Variants in SH3RF2 observed in about 807,000 individuals in gnomAD.
SH3RF2 encodes the protein E3 ubiquitin-protein ligase SH3RF2.
A neutral mutation model predicts 59.0 loss-of-function variants in SH3RF2; 43 were observed. That is an observed-to-expected ratio of 0.73 (90% CI 0.57 to 0.94). The LOEUF (loss-of-function observed/expected upper bound fraction) is 0.94. Ranked by LOEUF, SH3RF2 falls within the 40% of genes least tolerant of loss-of-function variation. SH3RF2 has a pLI of 0.00. For synonymous variants in SH3RF2, 391 were observed against 391.5 expected (o/e 1.00, Z 0.01); for missense variants, 930 against 940.1 (o/e 0.99, Z 0.14).
intron 5 of SH3RF2, among the ~76,000 whole-genome samples, chr5:146,046,294 A>G (rs1762302271): frequency 1.3e-5 from 2 of 152,210 alleles, no homozygotes; most frequent in African/African-American, 4.8e-5. Flanking sequence ...ACACATGTAC[A>G]TTAAATTGCC....
At position 146,056,231 on chromosome 5, in the gene SH3RF2, G is replaced by C; in HGVS notation, c.1555+18G>C. The C allele has an allele frequency of 6.2e-7, 1 of 1,614,134 alleles. No homozygotes were observed. Among genetic ancestry groups the C allele is most frequent in the Non-Finnish European group, 8.5e-7 (1 of 1,180,044 alleles). Reference sequence around the variant, plus strand: ...GAGAAAGAGTAAGTGGTGGCAGAGAGGTACGTGCCTAGAGCTAAGTGATGG... The same window carrying C: ...GAGAAAGAGTAAGTGGTGGCAGAGACGTACGTGCCTAGAGCTAAGTGATGG... On this transcript the variant is annotated intron_variant, in intron 8 of 9. Coordinates refer to ENST00000359120, the MANE Select transcript of SH3RF2 (RefSeq NM_152550.4).
At chr5:146,063,625 C>T (rs1427459167), downstream of SH3RF2, among the ~76,000 whole-genome samples, 4 of 152,128 alleles carry the variant, frequency 2.6e-5, no homozygotes, top group South Asian at 4.1e-4. Context: ...TTTGGTAGGC[C>T]GAGGTGGGCA....
chr5:145,995,820 T>G (rs1484608160), intron 2 of SH3RF2, among the ~76,000 whole-genome samples: 1 of 152,228 alleles, frequency 6.6e-6, no homozygotes, highest in African/African-American at 2.4e-5. Flanking sequence ...TACATAATTA[T>G]TCTTAACCTC....
intron 9 of SH3RF2, 151 bp from the exon 10 acceptor site, chr5:146,062,275 G>T: frequency 1.0e-6 from 1 of 974,360 alleles, no homozygotes; most frequent in Non-Finnish European, 1.5e-6. Flanking sequence ...TCAGCATCTT[G>T]TACTTCCCCC....
At chr5:146,054,164 T>C (rs953063882) in intron 7 of SH3RF2, among the ~76,000 whole-genome samples, 1 of 152,184 alleles carries the variant, frequency 6.6e-6, no homozygotes, top group African/African-American at 2.4e-5. Context: ...AAGTGCTAGA[T>C]AAGTGCTGAG....
intron 6 of SH3RF2, 123 bp from the exon 7 acceptor site, chr5:146,048,952 C>T (rs947318560): frequency 1.0e-5 from 12 of 1,167,794 alleles, no homozygotes; most frequent in South Asian, 5.8e-5. Context: ...CCACCGCACC[C>T]GCTCGACCAA....
At chr5:145,973,254 T>G (rs937188682) in intron 2 of SH3RF2, among the ~76,000 whole-genome samples, 3 of 152,106 alleles carry the variant, frequency 2.0e-5, no homozygotes, top group African/African-American at 7.2e-5. Flanking sequence ...TCTGAAGAAG[T>G]TGGCAATGAC....
downstream of SH3RF2, among the ~76,000 whole-genome samples, chr5:146,063,877 A>G (rs1580946833): frequency 6.7e-6 from 1 of 149,668 alleles, no homozygotes; most frequent in African/African-American, 2.6e-5. Context: ...AAAAAAGAAA[A>G]AAAGAAAGCA....
chr5:145,977,288 C>T (rs1374625173), intron 2 of SH3RF2, among the ~76,000 whole-genome samples: 1 of 152,226 alleles, frequency 6.6e-6, no homozygotes, highest in African/African-American at 2.4e-5. Context: ...TACTATTTTT[C>T]CACAGACCAT....
intron 4 of SH3RF2, among the ~76,000 whole-genome samples, chr5:146,009,662 C>A (rs1469847949): frequency 6.6e-6 from 1 of 152,172 alleles, no homozygotes; most frequent in Non-Finnish European, 1.5e-5. Context: ...TAGTTGTTTA[C>A]ATGCTGGCTC....
At chr5:145,940,974 GGA>G (rs1374878327) in intron 2 of SH3RF2, among the ~76,000 whole-genome samples, 2 of 152,164 alleles carry the variant, frequency 1.3e-5, no homozygotes, top group African/African-American at 4.8e-5. Context: ...AGCCCTTGCA[GGA>G]GAGTGTAATA....
In SH3RF2 at chr5:146,056,138, C is replaced by A; in HGVS notation, c.1480C>A (p.Pro494Thr). 6.2e-7 allele frequency: 1 copy of A among 1,614,164 alleles called. No individual in the cohort carries two copies. The highest frequency in any genetic ancestry group is 8.5e-7 in the Non-Finnish European group (1 of 1,180,036). Residue 494 changes from proline to threonine, a missense_variant, in exon 8 of 10, where the codon CCC becomes ACC. Physicochemically the swap from Pro to Thr is conservative, Grantham distance 38 (BLOSUM62 -1). Transcript: ENST00000359120. The part of the protein sequence containing the change: ...SVFVPTAIVN[P>T]VRSTAGPGTL... ...CTTTGTGCCCACTGCCATAGTCAAC[C>A]CCGTGAGAAGCACAGCCGGCCCTGG...
chr5:145,997,971 T>A, intron 2 of SH3RF2: 3 of 772,674 alleles, frequency 3.9e-6, no homozygotes, highest in Non-Finnish European at 7.2e-6. Context: ...TCACAGGTGG[T>A]CCCACCCAGA....
chr5:145,961,744 T>C (rs1326296588), intron 2 of SH3RF2, among the ~76,000 whole-genome samples: 1 of 152,224 alleles, frequency 6.6e-6, no homozygotes, highest in Non-Finnish European at 1.5e-5. Flanking sequence ...GACTAACTTA[T>C]CCAGGAAAAT....
In SH3RF2 at chr5:146,004,128, G is replaced by A. The variant is rs990742397; in HGVS notation, c.719G>A (p.Gly240Asp). ...WAEGKLGDKV[G>D]IFPILFVEPN... ...GAAGGCAAGTTAGGAGATAAAGTAG[G>A]CATCTTCCCTATCTTGTTTGTAGAG... Residue 240 changes from glycine (G) to aspartate (D), a missense_variant, in exon 4 of 10, where the codon GGC (glycine) becomes GAC (aspartate). By Grantham distance (94) the Gly-to-Asp change is moderately conservative (BLOSUM62 -1). Transcript: ENST00000359120. 1.2e-6 allele frequency: 2 copies of A among 1,612,692 alleles called. No homozygotes were observed. Among genetic ancestry groups the A allele is most frequent in the Non-Finnish European group, 1.7e-6 (2 of 1,178,934 alleles).
intron 2 of SH3RF2, among the ~76,000 whole-genome samples, chr5:145,944,437 G>A (rs999509009): frequency 5.3e-5 from 8 of 150,126 alleles, no homozygotes; most frequent in South Asian, 2.1e-4. Flanking sequence ...CTGCAGCCTC[G>A]AACTCCTGGG....
At chr5:146,043,692 C>T (rs568599925) in intron 5 of SH3RF2, 23 of 152,260 alleles carry the variant, frequency 1.5e-4, no homozygotes, top group Admixed American at 5.9e-4. Flanking sequence ...ATAGTTATGG[C>T]TTATTTTTAA....
intron 2 of SH3RF2, among the ~76,000 whole-genome samples, chr5:145,947,988 T>C (rs1758056645): frequency 6.6e-6 from 1 of 152,188 alleles, no homozygotes; most frequent in African/African-American, 2.4e-5. Context: ...TTATGCATGA[T>C]GCAGTTAATA....
chr5:146,044,157 T>G (rs942595418), intron 5 of SH3RF2, among the ~76,000 whole-genome samples: 1 of 109,200 alleles, frequency 9.2e-6, no homozygotes, highest in Non-Finnish European at 2.1e-5. Context: ...TTGTTTTTTT[T>G]TTTTTGTTTT....
Sources: gnomAD v4.1 joint callset for allele counts (sites outside exome capture counted in the v4.1 genomes callset) on GRCh38, gnomAD v4.1.1 for gene constraint, MANE v1.5 for transcripts, NCBI Gene and HGNC (gene_info 2026-07-23, HGNC 2026-07-21) for gene names.